Variants in RBFOX1 observed in about 807,000 individuals in gnomAD.
RBFOX1 encodes the protein RNA binding protein fox-1 homolog 1.
In RBFOX1, 8 loss-of-function variants were observed where a neutral mutation model predicts 57.7. The ratio of observed to expected loss-of-function variants is 0.14; its 90% CI spans 0.08 to 0.25. The LOEUF (loss-of-function observed/expected upper bound fraction) is 0.25. Ranked by LOEUF, RBFOX1 falls within the 10% of genes least tolerant of loss-of-function variation. The pLI, the probability that RBFOX1 is intolerant of heterozygous loss-of-function variation, is 1.00. For synonymous variants in RBFOX1, 326 were observed against 222.4 expected, an observed-to-expected ratio of 1.47 and a Z score of -4.15; for missense variants, 611 against 548.5, an observed-to-expected ratio of 1.11 and a Z score of -1.14.
chr16:6,303,347 T>TAAAA (rs1248877331), intron 1 of RBFOX1, among the ~76,000 whole-genome samples: 14 of 151,798 alleles, frequency 9.2e-5, no homozygotes, highest in African/African-American at 2.4e-4. Context: ...TTTTTTTTTT[T>TAAAA]AAAAAATCGA....
intron 2 of RBFOX1, among the ~76,000 whole-genome samples, chr16:6,341,525 C>G (rs1309520090): frequency 1.3e-5 from 2 of 152,140 alleles, no homozygotes; most frequent in African/African-American, 4.8e-5. Context: ...ATCCCCATAT[C>G]TTGAAAACAA....
chr16:5,473,162 A>G (rs1459449953), intron 2 of RBFOX1, among the ~76,000 whole-genome samples: 1 of 152,154 alleles, frequency 6.6e-6, no homozygotes, highest in Non-Finnish European at 1.5e-5. Context: ...ATCTGAAATA[A>G]TATTCCTTTT....
chr16:5,938,160 T>C (rs1253853011), intron 4 of RBFOX1, among the ~76,000 whole-genome samples: 4 of 152,196 alleles, frequency 2.6e-5, no homozygotes, highest in Non-Finnish European at 5.9e-5. Flanking sequence ...ACAGAAAACC[T>C]GGAACCAAAA....
At chr16:6,288,252 C>T (rs562154686) in intron 1 of RBFOX1, among the ~76,000 whole-genome samples, 6 of 151,222 alleles carry the variant, frequency 4.0e-5, no homozygotes, top group East Asian at 3.9e-4. Context: ...TTTTTTATAG[C>T]GATGTTTATC....
chr16:5,413,593 C>T (rs553359461), intron 1 of RBFOX1, among the ~76,000 whole-genome samples: 1 of 152,306 alleles, frequency 6.6e-6, no homozygotes, highest in South Asian at 2.1e-4. Context: ...ACGGGAGGTT[C>T]TGTTGGACAG....
chr16:6,150,854 G>T (rs1326594359), intron 1 of RBFOX1, among the ~76,000 whole-genome samples: 1 of 152,164 alleles, frequency 6.6e-6, no homozygotes, highest in African/African-American at 2.4e-5. Flanking sequence ...GAGACCATTT[G>T]CAGCATGTCA....
At chr16:6,493,654 T>A (rs2095687896) in intron 2 of RBFOX1, among the ~76,000 whole-genome samples, 1 of 152,180 alleles carries the variant, frequency 6.6e-6, no homozygotes, top group Admixed American at 6.5e-5. Context: ...AGCCTTTCAA[T>A]TTGCTGTAAG....
intron 1 of RBFOX1, among the ~76,000 whole-genome samples, chr16:6,184,065 G>A (rs1269850464): frequency 6.6e-6 from 1 of 152,152 alleles, no homozygotes; most frequent in Non-Finnish European, 1.5e-5. Context: ...ATGGTGGCAG[G>A]CAAGAGAAAG....
chr16:6,104,251 G>T (rs962365307), intron 1 of RBFOX1, among the ~76,000 whole-genome samples: 1 of 152,076 alleles, frequency 6.6e-6, no homozygotes, highest in Non-Finnish European at 1.5e-5. Context: ...AGTGATTAAT[G>T]GTTCCATTTA....
At chr16:5,496,592 T>C (rs1053954767) in intron 2 of RBFOX1, among the ~76,000 whole-genome samples, 1 of 152,142 alleles carries the variant, frequency 6.6e-6, no homozygotes, top group Non-Finnish European at 1.5e-5. Context: ...CTCTCTCTCT[T>C]AGTCACAGAT....
intron 3 of RBFOX1, among the ~76,000 whole-genome samples, chr16:6,744,174 C>G (rs528743681): frequency 2.0e-5 from 3 of 151,958 alleles, no homozygotes; most frequent in South Asian, 4.2e-4. Context: ...GTGACTTAAT[C>G]AAGAAGACAT....
chr16:6,964,612 T>C (rs1262474557), intron 3 of RBFOX1, among the ~76,000 whole-genome samples: 1 of 152,152 alleles, frequency 6.6e-6, no homozygotes, highest in Non-Finnish European at 1.5e-5. Context: ...CTAATACTCC[T>C]CTAAAAAATA....
chr16:7,071,686 G>T (rs1230530725), intron 4 of RBFOX1, among the ~76,000 whole-genome samples: 1 of 151,480 alleles, frequency 6.6e-6, no homozygotes, highest in African/African-American at 2.4e-5. Flanking sequence ...TATTTTCCCA[G>T]TATTGAAATA....
chr16:6,534,236 C>G lies in RBFOX1; in HGVS notation c.-63-120367C>G, dbSNP rs575794148. ...TCCAGCAATAAAAAGAAATGAATTG[C>G]TGACAAGGACATCAGTGTGTATGTG... On this transcript the variant is annotated intron_variant, in intron 2 of 15. Transcript: ENST00000550418. Among the ~76,000 whole-genome samples the G allele has an allele frequency of 6.2e-4, 95 of 152,120 alleles. No individual in the cohort carries two copies. The South Asian group carries it at 0.019, about 31-fold the overall frequency.
At chr16:6,517,699 A>G (rs1188782695) in intron 2 of RBFOX1, among the ~76,000 whole-genome samples, 1 of 152,216 alleles carries the variant, frequency 6.6e-6, no homozygotes, top group African/African-American at 2.4e-5. Flanking sequence ...CTTCTTGATT[A>G]CAAACCCTGT....
chr16:6,387,254 C>G (rs17140069), intron 2 of RBFOX1, among the ~76,000 whole-genome samples: 13 of 152,178 alleles, frequency 8.5e-5, no homozygotes, highest in Non-Finnish European at 1.8e-4. Flanking sequence ...CTGTAAGCAT[C>G]CGTAGCCTTC....
At chr16:5,317,381 G>A (rs961374492) in intron 1 of RBFOX1, among the ~76,000 whole-genome samples, 1 of 152,162 alleles carries the variant, frequency 6.6e-6, no homozygotes, top group African/African-American at 2.4e-5. Flanking sequence ...GGCTGAGGTG[G>A]GCTGATCACT....
intron 4 of RBFOX1, among the ~76,000 whole-genome samples, chr16:7,468,350 C>T (rs936254125): frequency 6.6e-6 from 1 of 152,040 alleles, no homozygotes; most frequent in African/African-American, 2.4e-5. Context: ...TTCTCCCCTG[C>T]GTGTATCCCG....
At chr16:5,618,512 T>C (rs1010134534) in intron 3 of RBFOX1, among the ~76,000 whole-genome samples, 1 of 152,172 alleles carries the variant, frequency 6.6e-6, no homozygotes, top group Non-Finnish European at 1.5e-5. Flanking sequence ...TAATTTTTTG[T>C]ATTTTTAGTA....
Sources: allele counts gnomAD v4.1 joint callset (sites outside exome capture counted in the v4.1 genomes callset), GRCh38; gene constraint gnomAD v4.1.1; transcripts MANE v1.5; gene names NCBI Gene and HGNC (gene_info 2026-07-23, HGNC 2026-07-21).